The following FLYWCH1 variants were observed in gnomAD, a reference collection of about 807,000 sequenced individuals.
FLYWCH1 encodes FLYWCH-type zinc finger 1.
Under a neutral mutation model 66.4 loss-of-function variants are expected in FLYWCH1, and 75 were observed. The observed-to-expected ratio is 1.13, with a 90% CI of 0.94 to 1.37. The LOEUF (loss-of-function observed/expected upper bound fraction) is 1.37, where lower values mean the gene tolerates loss of function less well. Among genes scored for constraint, FLYWCH1 ranks in the 40% most tolerant of loss-of-function variants. FLYWCH1 has a pLI of 0.00. For missense variants in FLYWCH1, 1,334 were observed against 1,001.8 expected (o/e 1.33, Z -4.48); for synonymous variants, 595 against 429.9 (o/e 1.38, Z -4.75).
chr16:2,946,970 A>G (rs1292611984), intron 9 of FLYWCH1, among the ~76,000 whole-genome samples: 2 of 152,192 alleles, frequency 1.3e-5, no homozygotes, highest in African/African-American at 4.8e-5. Flanking sequence ...GAGGTACCCT[A>G]TGACCCAGCA....
At chr16:2,933,034 A>G (rs2070825876) in intron 4 of FLYWCH1, 96 bp from the exon 5 acceptor site, 2 of 1,097,156 alleles carry the variant, frequency 1.8e-6, no homozygotes, top group Non-Finnish European at 2.6e-6. Flanking sequence ...GCCTTAAAGG[A>G]GAAAGGCTCG....
At chr16:2,929,280 G>A (rs1451535932) in intron 2 of FLYWCH1, among the ~76,000 whole-genome samples, 1 of 152,212 alleles carries the variant, frequency 6.6e-6, no homozygotes, top group Admixed American at 6.5e-5. Flanking sequence ...TGTAGGGACT[G>A]GAGGGGGGAC....
At chr16:2,919,791 C>G (rs1344830835) in intron 2 of FLYWCH1, among the ~76,000 whole-genome samples, 5 of 152,152 alleles carry the variant, frequency 3.3e-5, no homozygotes, top group Non-Finnish European at 7.4e-5. Context: ...GAAAACATTG[C>G]CACCCGTGTA....
chr16:2,930,733 G>C lies in FLYWCH1; in HGVS notation c.649G>C (p.Glu217Gln). The C allele has an allele frequency of 6.4e-7, 1 of 1,553,668 alleles. No homozygotes were observed. The highest frequency in any genetic ancestry group is 8.7e-7 in the Non-Finnish European group (1 of 1,153,928). Residue 217 changes from glutamate (E) to glutamine (Q), a missense_variant, in exon 4 of 10, where the codon GAG (glutamate) becomes CAG (glutamine). Glu to Gln is a conservative substitution (Grantham distance 29). Coordinates refer to ENST00000253928, the MANE Select transcript of FLYWCH1 (RefSeq NM_001308068.2). ...TGGAGGCCGAGTGGAGGAGCCCCTGGAGGGGGTGGGCCCGTGGCAGTGCCC... is the reference window on the plus strand; with the variant it reads ...TGGAGGCCGAGTGGAGGAGCCCCTGCAGGGGGTGGGCCCGTGGCAGTGCCC... ...GPGGRVEEPL[E>Q]GVGPWQCPEE...
chr16:2,933,537 C>G lies in FLYWCH1; in HGVS notation c.1204C>G (p.Gln402Glu), dbSNP rs766907743. The change falls in exon 5 of 10, where the codon CAG becomes GAG. Residue 402 changes from glutamine to glutamate, a missense_variant. Physicochemically the swap from Gln to Glu is conservative, Grantham distance 29. Transcript: ENST00000253928. ...GGTCGAAGACCAGGAGCTGCCAACCCAGCCCGAGGCCCCAGACGAGCACCA... is the reference window on the plus strand; with the variant it reads ...GGTCGAAGACCAGGAGCTGCCAACCGAGCCCGAGGCCCCAGACGAGCACCA... ...AKVEDQELPT[Q>E]PEAPDEHQDM... The G allele has an allele frequency of 5.0e-6, 8 of 1,608,804 alleles. No homozygotes were observed. The African/African-American group carries it at 9.4e-5, about 19-fold the overall frequency.
chr16:2,936,939 G>A lies in FLYWCH1; in HGVS notation c.1514-182G>A, dbSNP rs377615303. 2.3e-4 allele frequency: 182 copies of A among 807,416 alleles called. 3 individuals are homozygous for A. The highest frequency in any genetic ancestry group is 1.3e-3 in the East Asian group (47 of 37,008). The allele number at this position is 807,416 out of a possible 1,614,324, so 50.0% of individuals were successfully genotyped here. On this transcript the variant is annotated intron_variant, in intron 6 of 9. Coordinates refer to ENST00000253928, the MANE Select transcript of FLYWCH1 (RefSeq NM_001308068.2). ...TGACCAGTCCCCAGCCTCAGGAGGCGGACCCCAGCAGCTGGAGCCCCAGCA... is the reference window on the plus strand; with the variant it reads ...TGACCAGTCCCCAGCCTCAGGAGGCAGACCCCAGCAGCTGGAGCCCCAGCA...
chr16:2,930,403 C>G lies in FLYWCH1; in HGVS notation c.326-7C>G. 1 of 1,437,942 alleles carries G rather than the reference C, an allele frequency of 7.0e-7. No individual in the cohort carries two copies. Among genetic ancestry groups the G allele is most frequent in the Non-Finnish European group, 9.2e-7 (1 of 1,090,570 alleles). The allele number at this position is 1,437,942 out of a possible 1,614,324, so 89.1% of individuals were successfully genotyped here. On this transcript the variant is annotated splice_polypyrimidine_tract_variant and splice_region_variant and intron_variant, in intron 3 of 9. Transcript: ENST00000253928. Reference sequence around the variant, plus strand: ...GCTTAGCTAACCTAGCCTTCCCGTTCCCCCAGCAGCCCCTCAGTCCCTGGA... The same window carrying G: ...GCTTAGCTAACCTAGCCTTCCCGTTGCCCCAGCAGCCCCTCAGTCCCTGGA...
rs1476347192 is a variant in FLYWCH1 at position 2,950,813 on chromosome 16, C to T, written c.*2086C>T. On this transcript the variant is annotated 3_prime_UTR_variant, in exon 10 of 10. Coordinates refer to ENST00000253928, the MANE Select transcript of FLYWCH1 (RefSeq NM_001308068.2). ...GCTCGCGTTGCTGGGCTGAGATTCT[C>T]CAATGGACGTGAATTTAGATGATGC... The T allele has an allele frequency of 2.0e-5, 3 of 152,308 alleles. No homozygotes were observed. Among genetic ancestry groups the T allele is most frequent in the African/African-American group, 7.2e-5 (3 of 41,470 alleles). The allele number at this position is 152,308 out of a possible 1,614,324, so 9.4% of individuals were successfully genotyped here. A position where few individuals can be genotyped will look rare whatever the true frequency, so the allele number is the denominator to read the frequency against.
At chr16:2,925,138 G>T (rs1225239492) in intron 2 of FLYWCH1, among the ~76,000 whole-genome samples, 2 of 152,216 alleles carry the variant, frequency 1.3e-5, no homozygotes, top group African/African-American at 4.8e-5. Context: ...TGCATAGTCT[G>T]GGAGGCCTCT....
chr16:2,922,813 G>A (rs1175565460), intron 2 of FLYWCH1: 1 of 523,322 alleles, frequency 1.9e-6, no homozygotes, highest in African/African-American at 1.9e-5. Context: ...GCTGGTGCTT[G>A]TTGGCTTTAA....
chr16:2,936,538 G>C, intron 6 of FLYWCH1: 1 of 454,246 alleles, frequency 2.2e-6, no homozygotes, highest in Non-Finnish European at 4.4e-6. Flanking sequence ...GATGCCCCAG[G>C]CCACCTCCCC....
intron 2 of FLYWCH1, among the ~76,000 whole-genome samples, chr16:2,919,888 C>T (rs767178009): frequency 6.6e-6 from 1 of 152,056 alleles, no homozygotes; most frequent in Non-Finnish European, 1.5e-5. Flanking sequence ...TTTAAATTTG[C>T]GCTTCCCCCG....
chr16:2,936,261 G>C (rs1366450795), intron 6 of FLYWCH1: 3 of 384,860 alleles, frequency 7.8e-6, no homozygotes, highest in Non-Finnish European at 1.6e-5. Context: ...GTGCCCCATG[G>C]TCACACCACC....
At chr16:2,930,124 T>C (rs1002762075) in intron 3 of FLYWCH1, 114 bp downstream of exon 3, 1 of 964,986 alleles carries the variant, frequency 1.0e-6, no homozygotes, top group Non-Finnish European at 1.5e-6. Context: ...AAGCTCAGCC[T>C]CTTGGTCTCT....
intron 3 of FLYWCH1, 49 bp downstream of exon 3, chr16:2,930,059 G>A (rs748099860): frequency 1.5e-5 from 23 of 1,504,174 alleles, no homozygotes; most frequent in South Asian, 1.2e-4. Flanking sequence ...GGGTTCCAGC[G>A]CTCCCAGCAG....
chr16:2,933,557 G>A lies in FLYWCH1; in HGVS notation c.1224G>A (p.Glu408=). 1 of 1,603,180 alleles carries A rather than the reference G, an allele frequency of 6.2e-7. No individual in the cohort carries two copies. The highest frequency in any genetic ancestry group is 8.5e-7 in the Non-Finnish European group (1 of 1,174,532). The change falls in exon 5 of 10, where the codon GAG becomes GAA. Residue 408 remains glutamate, a synonymous_variant. Coordinates refer to ENST00000253928, the MANE Select transcript of FLYWCH1 (RefSeq NM_001308068.2). ...ELPTQPEAPD[E]HQDMDADPGG... ...CAACCCAGCCCGAGGCCCCAGACGAGCACCAGGACATGGACGCAGACCCGG... is the reference window on the plus strand; with the variant it reads ...CAACCCAGCCCGAGGCCCCAGACGAACACCAGGACATGGACGCAGACCCGG...
intron 3 of FLYWCH1, 126 bp from the exon 4 acceptor site, chr16:2,930,284 C>T: frequency 1.5e-6 from 1 of 663,112 alleles, no homozygotes; most frequent in South Asian, 2.1e-5. Flanking sequence ...GTCTGGGCTT[C>T]TTGCTTGGGA....
In FLYWCH1 at chr16:2,950,897, A is replaced by G. The variant is rs1291769080; in HGVS notation, c.*2170A>G. The G allele has an allele frequency of 2.0e-5, 3 of 152,394 alleles. No individual in the cohort carries two copies. Among genetic ancestry groups the G allele is most frequent in the East Asian group, 1.9e-4 (1 of 5,190 alleles). 9.4% of individuals were successfully genotyped at this position (152,394 alleles called of 1,614,324 possible). ...GCACCCTGGTGGCCACTCAGCCATG[A>G]CAAGGGCCTGACAGCCACTAAGTGA... On this transcript the variant is annotated 3_prime_UTR_variant, in exon 10 of 10. Transcript: ENST00000253928.
chr16:2,944,280 C>T (rs1262061999), intron 9 of FLYWCH1, among the ~76,000 whole-genome samples: 8 of 151,242 alleles, frequency 5.3e-5, no homozygotes, highest in African/African-American at 1.7e-4. Flanking sequence ...ATCCCAGCTA[C>T]TTGGGAGGCT....
Sources: gnomAD v4.1 joint callset for allele counts (sites outside exome capture counted in the v4.1 genomes callset) on GRCh38, gnomAD v4.1.1 for gene constraint, MANE v1.5 for transcripts, NCBI Gene and HGNC (gene_info 2026-07-23, HGNC 2026-07-21) for gene names.